TNRC6B: variants seen among roughly 807,000 people sequenced by gnomAD.
The protein encoded by TNRC6B is trinucleotide repeat-containing gene 6B protein.
Under a neutral mutation model 203.6 loss-of-function variants are expected in TNRC6B, and 52 were observed. The observed-to-expected ratio is 0.26, with a 90% CI of 0.20 to 0.32. TNRC6B has a LOEUF of 0.32. TNRC6B is among the 10% of genes least tolerant of loss of function. TNRC6B has a pLI of 1.00. For synonymous variants in TNRC6B, 838 were observed against 845.7 expected, an observed-to-expected ratio of 0.99 and a Z score of 0.16; for missense variants, 1,923 against 2,286.2, an observed-to-expected ratio of 0.84 and a Z score of 3.24.
At chr22:40,084,526 A>G (rs1215519317) in intron 1 of TNRC6B, among the ~76,000 whole-genome samples, 2 of 152,206 alleles carry the variant, frequency 1.3e-5, no homozygotes, top group Non-Finnish European at 2.9e-5. Flanking sequence ...AGACGGTGAT[A>G]AGTGTTCTGC....
chr22:40,243,470 T>C (rs1402351258), intron 1 of TNRC6B, among the ~76,000 whole-genome samples: 2 of 152,256 alleles, frequency 1.3e-5, no homozygotes, highest in Non-Finnish European at 2.9e-5. Context: ...CTATTGAGCA[T>C]GAATTTCAAT....
intron 1 of TNRC6B, among the ~76,000 whole-genome samples, chr22:40,219,210 A>G (rs1335203891): frequency 6.6e-6 from 1 of 152,186 alleles, no homozygotes; most frequent in Non-Finnish European, 1.5e-5. Flanking sequence ...TCACCTCTGT[A>G]TCTATACCCA....
At chr22:40,157,488 G>T (rs970400859) in intron 4 of TNRC6B, among the ~76,000 whole-genome samples, 1 of 152,108 alleles carries the variant, frequency 6.6e-6, no homozygotes, top group Non-Finnish European at 1.5e-5. Flanking sequence ...GGCTCGTCTT[G>T]TATTTGTTGT....
At chr22:40,090,848 T>C (rs1042317828) in intron 1 of TNRC6B, among the ~76,000 whole-genome samples, 1 of 152,154 alleles carries the variant, frequency 6.6e-6, no homozygotes, top group Admixed American at 6.5e-5. Context: ...GAGAAATCAC[T>C]GATACAGGAA....
chr22:40,221,055 C>A (rs1452814691), intron 1 of TNRC6B, among the ~76,000 whole-genome samples: 1 of 152,154 alleles, frequency 6.6e-6, no homozygotes, highest in Non-Finnish European at 1.5e-5. Context: ...TGGCATCCCC[C>A]CTGGTGTCTG....
At chr22:40,052,307 A>G (rs116002739) in intron 1 of TNRC6B, among the ~76,000 whole-genome samples, 38 of 152,274 alleles carry the variant, frequency 2.5e-4, no homozygotes, top group African/African-American at 9.1e-4. Flanking sequence ...ATCAGAGGTA[A>G]TATTACAATA....
At chr22:40,219,683 T>TA (rs2069682101) in intron 1 of TNRC6B, among the ~76,000 whole-genome samples, 1 of 152,218 alleles carries the variant, frequency 6.6e-6, no homozygotes, top group African/African-American at 2.4e-5. Flanking sequence ...GTCTTTCCTC[T>TA]ACCTGGATCG....
intron 4 of TNRC6B, among the ~76,000 whole-genome samples, chr22:40,161,374 A>G (rs1223234822): frequency 1.3e-5 from 2 of 152,202 alleles, no homozygotes; most frequent in South Asian, 2.1e-4. Context: ...AGAGGCTGGT[A>G]GAGCACATGA....
intron 6 of TNRC6B, among the ~76,000 whole-genome samples, chr22:40,272,073 C>T (rs952600608): frequency 1.3e-5 from 2 of 152,092 alleles, no homozygotes; most frequent in Non-Finnish European, 2.9e-5. Context: ...GTTTTTAGCT[C>T]GTGTTGCTTG....
intron 3 of TNRC6B, among the ~76,000 whole-genome samples, chr22:40,259,522 G>A (rs982587539): frequency 3.3e-5 from 5 of 152,130 alleles, no homozygotes; most frequent in Admixed American, 6.5e-5. Context: ...GCGCCTGGCC[G>A]ACTAATTTTA....
At chr22:40,112,914 T>C (rs2068352104) in intron 1 of TNRC6B, among the ~76,000 whole-genome samples, 1 of 151,532 alleles carries the variant, frequency 6.6e-6, no homozygotes, top group Non-Finnish European at 1.5e-5. Flanking sequence ...AGGTCAGGAG[T>C]TCAAGACAAG....
intron 3 of TNRC6B, among the ~76,000 whole-genome samples, chr22:40,257,276 T>A (rs1213553057): frequency 6.6e-6 from 1 of 152,198 alleles, no homozygotes; most frequent in Non-Finnish European, 1.5e-5. Flanking sequence ...AGAGCACTTT[T>A]ATCTGAAAAA....
chr22:40,312,923 C>A lies in TNRC6B; in HGVS notation c.4604C>A (p.Thr1535Asn). The change falls in exon 19 of 23, where the codon ACC (threonine) becomes AAC (asparagine). Residue 1535 changes from threonine to asparagine, a missense_variant. By Grantham distance (65) the Thr-to-Asn change is moderately conservative. Transcript: ENST00000454349. ...NTTGSNSSLN[T>N]SLPSPGAWPY... ...CAAGGGTCTAATTCTTCCCTCAACA[C>A]CTCGCTGCCTTCACCTGGTGCCTGG... 6.2e-7 allele frequency: 1 copy of A among 1,613,808 alleles called. No homozygotes were observed. Among genetic ancestry groups the A allele is most frequent in the Non-Finnish European group, 8.5e-7 (1 of 1,179,834 alleles).
rs1249358779 is a variant in TNRC6B at position 40,288,845 on chromosome 22, T to TTC, written c.3708+3076_3708+3077insCT. 1.5e-3 allele frequency among the ~76,000 whole-genome samples: 198 copies of TTC among 133,390 alleles called. 3 individuals are homozygous for TTC. Among genetic ancestry groups the TTC allele is most frequent in the African/African-American group, 5.5e-3 (190 of 34,438 alleles). 87.5% of individuals were successfully genotyped at this position (133,390 alleles called of 152,430 possible). On this transcript the variant is annotated intron_variant, in intron 12 of 22. Coordinates refer to ENST00000454349, the MANE Select transcript of TNRC6B (RefSeq NM_001162501.2). ...CGTGAGCCACTGTGCCCAGCTTTTT[T>TTC]TTTTTTTTTTTTTTGAGGCAGAGTC...
rs562919757 is a variant in TNRC6B at position 40,150,205 on chromosome 22, G to A, written c.46-5910G>A. Among the ~76,000 whole-genome samples, 170 of 152,004 alleles carry A rather than the reference G, an allele frequency of 1.1e-3. 2 individuals are homozygous for A. The highest frequency in any genetic ancestry group is 0.01 in the Middle Eastern group (3 of 294). Reference sequence around the variant, plus strand: ...ATCCTGGCTAACACGGTGAAACCCCGTCTCTACTAAAAAATACAAAAAATT... The same window carrying A: ...ATCCTGGCTAACACGGTGAAACCCCATCTCTACTAAAAAATACAAAAAATT... On this transcript the variant is annotated intron_variant, in intron 3 of 23. Transcript: ENST00000301923.
chr22:40,150,228 A>C (rs1294825000), intron 3 of TNRC6B, among the ~76,000 whole-genome samples: 1 of 152,080 alleles, frequency 6.6e-6, no homozygotes. Flanking sequence ...AATACAAAAA[A>C]TTAGCCAGGC....
chr22:40,191,906 A>G (rs1316698398), intron 1 of TNRC6B, among the ~76,000 whole-genome samples: 1 of 152,190 alleles, frequency 6.6e-6, no homozygotes, highest in African/African-American at 2.4e-5. Context: ...ATGCACCACC[A>G]TGCCCAGCTA....
chr22:40,132,305 GCAGTGAGCCAAGATCACACCACTGCACTC>G (rs1341758778), intron 3 of TNRC6B, among the ~76,000 whole-genome samples: 2 of 152,218 alleles, frequency 1.3e-5, no homozygotes, highest in East Asian at 3.9e-4. Context: ...GGCAGAGGTT[GCAGTGAGCCAAGATCACACCACTGCACTC>G]CAGCCTGGGT....
At chr22:40,240,072 T>C (rs5757886) in intron 1 of TNRC6B, among the ~76,000 whole-genome samples, 102,274 of 151,964 alleles carry the variant, frequency 0.67, 36,573 homozygotes, top group East Asian at 0.99. Context: ...ACCTCATGAT[T>C]TGCCCGCCTC....
Sources: allele counts gnomAD v4.1 joint callset (sites outside exome capture counted in the v4.1 genomes callset), GRCh38; gene constraint gnomAD v4.1.1; transcripts MANE v1.5; gene names NCBI Gene and HGNC (gene_info 2026-07-23, HGNC 2026-07-21).